The following KBTBD12 variants were observed in gnomAD, a reference collection of about 807,000 sequenced individuals.
The protein encoded by KBTBD12 is kelch repeat and BTB domain containing 12.
KBTBD12 carries 53 observed loss-of-function variants against 58.7 expected under a neutral mutation model. That is an observed-to-expected ratio of 0.90 (90% CI 0.72 to 1.14). The LOEUF is 1.14. Among genes scored for constraint, KBTBD12 ranks in the 50% most tolerant of loss-of-function variants. The pLI, the probability that KBTBD12 is intolerant of heterozygous loss-of-function variation, is 0.00. For missense variants in KBTBD12, 704 were observed against 751.3 expected, an observed-to-expected ratio of 0.94 and a Z score of 0.74; for synonymous variants, 236 against 259.8, an observed-to-expected ratio of 0.91 and a Z score of 0.88.
intron 4 of KBTBD12, among the ~76,000 whole-genome samples, chr3:127,931,314 TAAC>T (rs1370032050): frequency 6.6e-6 from 1 of 152,178 alleles, no homozygotes; most frequent in Non-Finnish European, 1.5e-5. Flanking sequence ...ATGATTTTAA[TAAC>T]AAGAATATTA....
chr3:127,922,589 G>A (rs1939439904), intron 1 of KBTBD12, among the ~76,000 whole-genome samples: 1 of 152,242 alleles, frequency 6.6e-6, no homozygotes, highest in Middle Eastern at 3.4e-3. Context: ...TCTCCTTGGA[G>A]AGAATATTAA....
intron 4 of KBTBD12, among the ~76,000 whole-genome samples, chr3:127,956,434 C>T (rs1037343191): frequency 1.2e-4 from 18 of 151,466 alleles, no homozygotes; most frequent in African/African-American, 4.4e-4. Flanking sequence ...TCCTTTATTT[C>T]CCAGCAGACT....
intron 1 of KBTBD12, among the ~76,000 whole-genome samples, 162 bp downstream of exon 1, chr3:127,915,748 A>G (rs1017280983): frequency 5.9e-5 from 9 of 152,218 alleles, no homozygotes; most frequent in African/African-American, 1.9e-4. Context: ...GCCTGGCGTC[A>G]GGTGGGGCTC....
At position 127,984,359 on chromosome 3, in the gene KBTBD12, C is replaced by T. The variant is rs1940929743; in HGVS notation, c.*81C>T. On this transcript the variant is annotated 3_prime_UTR_variant, in exon 6 of 6. Coordinates refer to ENST00000405109, the MANE Select transcript of KBTBD12 (RefSeq NM_207335.4). ...GAGGGCCCACAGCATCTCTGTCATG[C>T]CAGTCATGTGCACTGCATGCGTAGT... The T allele has an allele frequency of 3.8e-6, 5 of 1,303,382 alleles. No individual in the cohort carries two copies. The highest frequency in any genetic ancestry group is 3.2e-6 in the Non-Finnish European group (3 of 925,748). 80.7% of individuals were successfully genotyped at this position (1,303,382 alleles called of 1,614,324 possible).
intron 5 of KBTBD12, among the ~76,000 whole-genome samples, chr3:127,977,840 A>G (rs1206981279): frequency 2.0e-5 from 3 of 151,986 alleles, no homozygotes; most frequent in African/African-American, 7.2e-5. Context: ...ATTAGATCCC[A>G]TTTGTCAATT....
chr3:127,975,916 G>A (rs1381712922), intron 5 of KBTBD12, among the ~76,000 whole-genome samples: 1 of 152,112 alleles, frequency 6.6e-6, no homozygotes, highest in Non-Finnish European at 1.5e-5. Context: ...CTCTTTTCTT[G>A]TTTAAACTTT....
chr3:127,956,648 C>T (rs539217475), intron 4 of KBTBD12, among the ~76,000 whole-genome samples: 1 of 152,282 alleles, frequency 6.6e-6, no homozygotes, highest in South Asian at 2.1e-4. Flanking sequence ...CATGTTACTG[C>T]GCGTGGATGA....
chr3:127,953,120 TG>T (rs960592327), intron 4 of KBTBD12, among the ~76,000 whole-genome samples: 1 of 152,256 alleles, frequency 6.6e-6, no homozygotes, highest in African/African-American at 2.4e-5. Context: ...TGCCAAATGC[TG>T]AACACTGTGC....
At chr3:127,920,748 C>G (rs1033178888) in intron 1 of KBTBD12, among the ~76,000 whole-genome samples, 3 of 151,880 alleles carry the variant, frequency 2.0e-5, no homozygotes, top group Non-Finnish European at 4.4e-5. Flanking sequence ...ATATAGTGGA[C>G]AGGAGTATAA....
At chr3:127,915,961 C>T (rs958060864) in intron 1 of KBTBD12, among the ~76,000 whole-genome samples, 1 of 152,216 alleles carries the variant, frequency 6.6e-6, no homozygotes, top group African/African-American at 2.4e-5. Flanking sequence ...TAGGATAGTG[C>T]CTGGCACTTA....
chr3:127,935,445 G>A (rs540253039), intron 4 of KBTBD12, among the ~76,000 whole-genome samples: 1 of 152,038 alleles, frequency 6.6e-6, no homozygotes, highest in South Asian at 2.1e-4. Context: ...CAACCACTGA[G>A]ATTTTAAAAA....
intron 5 of KBTBD12, among the ~76,000 whole-genome samples, chr3:127,972,863 G>A (rs1940709196): frequency 6.6e-6 from 1 of 152,218 alleles, no homozygotes; most frequent in African/African-American, 2.4e-5. Flanking sequence ...AAATGTAGAA[G>A]TCATGATAGA....
At position 127,984,188 on chromosome 3, in the gene KBTBD12, C is replaced by A. The variant is rs147621033; in HGVS notation, c.1782C>A (p.Asp594Glu). 105 of 1,613,772 alleles carry A rather than the reference C, an allele frequency of 6.5e-5. No homozygotes were observed. The African/African-American group carries it at 1.3e-3, about 20-fold the overall frequency. The change falls in exon 6 of 6, where the codon GAC (aspartate) becomes GAA (glutamate). Residue 594 changes from aspartate to glutamate, a missense_variant. Physicochemically the swap from Asp to Glu is conservative, Grantham distance 45. Transcript: ENST00000405109. Reference protein sequence around the residue: ...NVVAINVLMHDSYDVCLVARM... With the variant: ...NVVAINVLMHESYDVCLVARM... ...TAGCCATCAACGTCCTCATGCATGA[C>A]AGCTATGATGTCTGCCTAGTAGCCA...
chr3:127,916,806 G>T (rs1240107557), intron 1 of KBTBD12, among the ~76,000 whole-genome samples: 2 of 151,826 alleles, frequency 1.3e-5, no homozygotes, highest in Admixed American at 6.6e-5. Context: ...CCAAATCCCA[G>T]ACAGCAAATG....
intron 5 of KBTBD12, among the ~76,000 whole-genome samples, chr3:127,973,876 G>A (rs1025599849): frequency 1.3e-5 from 2 of 152,144 alleles, no homozygotes; most frequent in South Asian, 4.1e-4. Flanking sequence ...AATGACTACA[G>A]AGAAAAAGAT....
intron 5 of KBTBD12, among the ~76,000 whole-genome samples, chr3:127,973,555 G>A (rs544163819): frequency 6.4e-4 from 97 of 152,176 alleles, no homozygotes; most frequent in Middle Eastern, 3.4e-3. Flanking sequence ...ATTATGTAAA[G>A]GAATTTCCTC....
chr3:127,923,883 C>A lies in KBTBD12; in HGVS notation c.822C>A (p.Thr274=). ...SLNLRYGMET[T]SLLLCIGNNS... is the part of the protein sequence containing the mutation. Reference sequence around the variant, plus strand: ...ATCTGCGCTATGGTATGGAGACTACCAGTCTTCTGCTTTGCATTGGCAACA... The same window carrying A: ...ATCTGCGCTATGGTATGGAGACTACAAGTCTTCTGCTTTGCATTGGCAACA... The change falls in exon 2 of 6, where the codon ACC becomes ACA. Residue 274 remains threonine (T), a synonymous_variant. Transcript: ENST00000405109. 6.2e-7 allele frequency: 1 copy of A among 1,613,858 alleles called. No individual in the cohort carries two copies. Among genetic ancestry groups the A allele is most frequent in the South Asian group, 1.1e-5 (1 of 91,074 alleles).
At chr3:127,925,147 T>C (rs536047223) in intron 2 of KBTBD12, among the ~76,000 whole-genome samples, 1 of 152,314 alleles carries the variant, frequency 6.6e-6, no homozygotes, top group Admixed American at 6.5e-5. Context: ...CTTTTCCACA[T>C]TCATACTTTG....
chr3:127,978,901 A>T lies in KBTBD12; in HGVS notation c.1691-5196A>T, dbSNP rs142326220. Reference sequence around the variant, plus strand: ...ATAAGGATGTTGCTGGAATCAGGAAAATGTAAGGAAGATTGCAGACAGGAG... The same window carrying T: ...ATAAGGATGTTGCTGGAATCAGGAATATGTAAGGAAGATTGCAGACAGGAG... On this transcript the variant is annotated intron_variant, in intron 5 of 5. Coordinates refer to ENST00000405109, the MANE Select transcript of KBTBD12 (RefSeq NM_207335.4). 2.6e-4 allele frequency among the ~76,000 whole-genome samples: 40 copies of T among 152,338 alleles called. No individual in the cohort carries two copies. In the East Asian group the frequency reaches 4.2e-3, roughly 16 times the overall value.
Sources: allele counts gnomAD v4.1 joint callset (sites outside exome capture counted in the v4.1 genomes callset), GRCh38; gene constraint gnomAD v4.1.1; transcripts MANE v1.5; gene names NCBI Gene and HGNC (gene_info 2026-07-23, HGNC 2026-07-21).